The following NMRK1 variants were observed in gnomAD, a reference collection of about 807,000 sequenced individuals.
NMRK1 encodes the protein nicotinamide riboside kinase 1, also known as NRK 1.
Under a neutral mutation model 29.9 loss-of-function variants are expected in NMRK1, and 28 were observed. The observed-to-expected ratio is 0.94, with a 90% CI of 0.69 to 1.28. The LOEUF (loss-of-function observed/expected upper bound fraction) is 1.28. Among genes scored for constraint, NMRK1 ranks in the 50% most tolerant of loss-of-function variants. The pLI is 0.00. For synonymous variants in NMRK1, 58 were observed against 73.0 expected, an observed-to-expected ratio of 0.79 and a Z score of 1.05; for missense variants, 218 against 233.1, an observed-to-expected ratio of 0.94 and a Z score of 0.42.
intron 1 of NMRK1, among the ~76,000 whole-genome samples, chr9:75,083,856 ATTT>A (rs561000149): frequency 2.6e-5 from 4 of 152,060 alleles, no homozygotes; most frequent in African/African-American, 9.7e-5. Flanking sequence ...CATTTTCACA[ATTT>A]TTTTTGATGA....
At chr9:75,086,684 T>TA (rs1196318440) in intron 1 of NMRK1, among the ~76,000 whole-genome samples, 3 of 152,208 alleles carry the variant, frequency 2.0e-5, no homozygotes, top group Non-Finnish European at 4.4e-5. Flanking sequence ...CGCAGCTCTC[T>TA]AACGCAAATG....
intron 4 of NMRK1, among the ~76,000 whole-genome samples, chr9:75,070,286 G>T (rs7868447): frequency 0.043 from 6,573 of 152,136 alleles, 145 homozygotes; most frequent in Admixed American, 0.058. Context: ...TGAACTCCTA[G>T]GTCCCTATTA....
chr9:75,076,402 C>A (rs1823988865), intron 4 of NMRK1, among the ~76,000 whole-genome samples: 1 of 151,770 alleles, frequency 6.6e-6, no homozygotes, highest in Non-Finnish European at 1.5e-5. Context: ...AGAGAGTAGA[C>A]TGGTGGTTAC....
In NMRK1 at chr9:75,069,621, T is replaced by A. The variant is rs1210815253; in HGVS notation, c.389+121A>T. 6 of 766,670 alleles carry A rather than the reference T, an allele frequency of 7.8e-6. No individual in the cohort carries two copies. The Admixed American group carries it at 8.3e-5, about 11-fold the overall frequency. 47.5% of individuals were successfully genotyped at this position (766,670 alleles called of 1,614,324 possible). ...GAGTTTTGCTCCTTTTGTAAAAGAG[T>A]TAAGGCTTCCTGTCTCTGAAAAATG... On this transcript the variant is annotated intron_variant, in intron 6 of 8. Coordinates refer to ENST00000361092, the MANE Select transcript of NMRK1 (RefSeq NM_017881.3).
intron 4 of NMRK1, among the ~76,000 whole-genome samples, chr9:75,073,052 T>C (rs1274782366): frequency 2.0e-5 from 3 of 152,308 alleles, no homozygotes; most frequent in Admixed American, 2.0e-4. Context: ...TTCTCCAGAA[T>C]GTGACTGTTT....
At chr9:75,061,755 A>G (rs1056597327) in intron 8 of NMRK1, among the ~76,000 whole-genome samples, 188 bp from the exon 9 acceptor site, 2 of 152,236 alleles carry the variant, frequency 1.3e-5, no homozygotes, top group African/African-American at 4.8e-5. Flanking sequence ...TTAAATTTGA[A>G]GCATACCTTA....
chr9:75,070,786 T>C (rs1163856781), intron 4 of NMRK1, among the ~76,000 whole-genome samples: 3 of 152,230 alleles, frequency 2.0e-5, no homozygotes, highest in Non-Finnish European at 4.4e-5. Flanking sequence ...CATAGGACTA[T>C]TAAGATTTTT....
chr9:75,066,742 T>C lies in NMRK1; in HGVS notation c.580+15A>G. The C allele has an allele frequency of 6.9e-7, 1 of 1,448,062 alleles. No homozygotes were observed. Among genetic ancestry groups the C allele is most frequent in the Non-Finnish European group, 9.7e-7 (1 of 1,028,796 alleles). 89.7% of individuals were successfully genotyped at this position (1,448,062 alleles called of 1,614,324 possible). On this transcript the variant is annotated intron_variant, in intron 8 of 8. Coordinates refer to ENST00000361092, the MANE Select transcript of NMRK1 (RefSeq NM_017881.3). ...GTTTCTCCTCTACCATCCACTTTGT[T>C]AGCACAATACTTACACTTTTGCTTT...
intron 2 of NMRK1, chr9:75,078,508 AG>A: frequency 7.7e-6 from 8 of 1,040,184 alleles, no homozygotes; most frequent in Non-Finnish European, 1.0e-5. Flanking sequence ...TGCAGCATCG[AG>A]GAGATCACAC....
intron 8 of NMRK1, 92 bp from the exon 9 acceptor site, chr9:75,061,659 T>G: frequency 9.2e-7 from 1 of 1,091,456 alleles, no homozygotes. Flanking sequence ...TAAGGATGTT[T>G]AAATTAGAGG....
chr9:75,083,210 T>C, intron 1 of NMRK1, 60 bp from the exon 2 acceptor site: 1 of 876,458 alleles, frequency 1.1e-6, no homozygotes, highest in Non-Finnish European at 1.9e-6. Context: ...TCTAGGGAGA[T>C]AAAAGAATCC....
In NMRK1 at chr9:75,069,265, T is replaced by C. The variant is rs1390886187; in HGVS notation, c.390-163A>G. On this transcript the variant is annotated intron_variant, in intron 6 of 8. Coordinates refer to ENST00000361092, the MANE Select transcript of NMRK1 (RefSeq NM_017881.3). ...AACTCAATGGCAGTTAGAACGACAG[T>C]AACATGGATTTAGTTCTTTGATATT... 1.1e-5 allele frequency: 6 copies of C among 563,800 alleles called. No individual in the cohort carries two copies. The Admixed American group carries it at 1.9e-4, about 18-fold the overall frequency. The allele number at this position is 563,800 out of a possible 1,614,324, so 34.9% of individuals were successfully genotyped here.
intron 2 of NMRK1, chr9:75,078,597 C>G: frequency 8.1e-7 from 1 of 1,232,978 alleles, no homozygotes. Context: ...GAACATAAGT[C>G]AGGGCATCTG....
rs1405132404 is a variant in NMRK1 at position 75,061,587 on chromosome 9, A to G, written c.581-20T>C. 6.3e-7 allele frequency: 1 copy of G among 1,583,200 alleles called. No individual in the cohort carries two copies. Among genetic ancestry groups the G allele is most frequent in the Admixed American group, 1.7e-5 (1 of 59,476 alleles). ...GCAAACCTTGGGAATAAACATAAAA[A>G]GAAATTAATGGAGAATTCCAATTCT... On this transcript the variant is annotated intron_variant, in intron 8 of 8. Transcript: ENST00000361092.
rs1823382553 is a variant in NMRK1, at chr9:75,066,831, T to C, written c.506A>G (p.Asp169Gly). 2 of 1,595,570 alleles carry C rather than the reference T, an allele frequency of 1.3e-6. No individual in the cohort carries two copies. The highest frequency in any genetic ancestry group is 1.7e-5 in the Admixed American group (1 of 59,640). Residue 169 changes from aspartate to glycine, a missense_variant, in exon 8 of 9, where the codon GAT (aspartate) becomes GGT (glycine). By Grantham distance (94) the Asp-to-Gly change is moderately conservative. Transcript: ENST00000361092. ...QDITWEVVYL[D>G]GTKSEEDLFL... ...GAGGTCCTCTTCAGATTTTGTTCCATCCAGGTACACTACGAAGGGGAAAAG... is the reference window on the plus strand; with the variant it reads ...GAGGTCCTCTTCAGATTTTGTTCCACCCAGGTACACTACGAAGGGGAAAAG...
At chr9:75,082,944 C>A in intron 2 of NMRK1, 143 bp downstream of exon 2, 1 of 664,022 alleles carries the variant, frequency 1.5e-6, no homozygotes, top group Non-Finnish European at 2.7e-6. Flanking sequence ...GAAGCCAGTG[C>A]TCCACTGATA....
chr9:75,061,630 A>G, intron 8 of NMRK1, 63 bp from the exon 9 acceptor site: 2 of 1,303,460 alleles, frequency 1.5e-6, no homozygotes, highest in Non-Finnish European at 2.2e-6. Flanking sequence ...TTAAATCTTT[A>G]CATCAACAAC....
At chr9:75,062,942 G>A (rs547191991) in intron 8 of NMRK1, among the ~76,000 whole-genome samples, 1 of 152,266 alleles carries the variant, frequency 6.6e-6, no homozygotes, top group East Asian at 1.9e-4. Flanking sequence ...TGAGGTAGGA[G>A]ATCACCTGAA....
At chr9:75,066,191 T>C in intron 8 of NMRK1, 2 of 486,154 alleles carry the variant, frequency 4.1e-6, no homozygotes, top group South Asian at 3.1e-5. Flanking sequence ...CATAAATGAG[T>C]TAATCCAGCT....
Sources: gnomAD v4.1 joint callset for allele counts (sites outside exome capture counted in the v4.1 genomes callset) on GRCh38, gnomAD v4.1.1 for gene constraint, MANE v1.5 for transcripts, NCBI Gene and HGNC (gene_info 2026-07-23, HGNC 2026-07-21) for gene names.